The following STK32B variants were observed in gnomAD, a reference collection of about 807,000 sequenced individuals.
STK32B encodes serine/threonine-protein kinase 32B.
Under a neutral mutation model 52.6 loss-of-function variants are expected in STK32B, and 43 were observed. The ratio of observed to expected loss-of-function variants is 0.82; its 90% CI spans 0.64 to 1.05. The LOEUF is 1.05. STK32B is among the 50% of genes least tolerant of loss of function. The probability of loss-of-function intolerance (pLI) is 0.00; values close to 1 mark genes in which losing one functional copy is unlikely to be tolerated. For missense variants in STK32B, 621 were observed against 534.6 expected (o/e 1.16, Z -1.59); for synonymous variants, 238 against 204.3 (o/e 1.17, Z -1.41).
At chr4:5,359,736 G>A (rs28510414) in intron 4 of STK32B, among the ~76,000 whole-genome samples, 13,920 of 152,156 alleles carry the variant, frequency 0.091, 1,010 homozygotes, top group Admixed American at 0.19. Context: ...ATTTCCAGGC[G>A]GAGGTATGGA....
At chr4:5,448,715 T>C (rs2109126464) in intron 7 of STK32B, among the ~76,000 whole-genome samples, 1 of 152,242 alleles carries the variant, frequency 6.6e-6, no homozygotes, top group South Asian at 2.1e-4. Context: ...AAGAAGCAAA[T>C]GATGGGGGAT....
intron 2 of STK32B, among the ~76,000 whole-genome samples, chr4:5,158,216 C>A (rs1023368970): frequency 6.6e-6 from 1 of 152,138 alleles, no homozygotes; most frequent in South Asian, 2.1e-4. Context: ...CATCCAGCAG[C>A]CAAGTGTTCT....
chr4:5,242,220 A>G (rs755085729), intron 3 of STK32B, among the ~76,000 whole-genome samples: 13 of 152,156 alleles, frequency 8.5e-5, no homozygotes, highest in Non-Finnish European at 1.5e-4. Flanking sequence ...CTATTTCTCC[A>G]CATCCTCTTC....
At chr4:5,172,003 C>T (rs918939745) in intron 3 of STK32B, among the ~76,000 whole-genome samples, 6 of 151,882 alleles carry the variant, frequency 4.0e-5, no homozygotes, top group Non-Finnish European at 8.8e-5. Flanking sequence ...GTTTGTAGTT[C>T]TCCTTGAAGA....
chr4:5,471,143 G>A lies in STK32B; in HGVS notation c.1106+3073G>A, dbSNP rs566603652. ...CAGTCCCAGGGGGACAATCAGAATT[G>A]TCTGAGGGCCTGTTAGCATCTAGAG... On this transcript the variant is annotated intron_variant, in intron 11 of 11. Transcript: ENST00000282908. Among the ~76,000 whole-genome samples the A allele has an allele frequency of 4.6e-5, 7 of 152,332 alleles. No homozygotes were observed. The South Asian group carries it at 1.4e-3, about 32-fold the overall frequency.
chr4:5,218,476 G>C (rs1723317797), intron 3 of STK32B, among the ~76,000 whole-genome samples: 2 of 152,168 alleles, frequency 1.3e-5, no homozygotes, highest in Admixed American at 1.3e-4. Flanking sequence ...GGTTCTTGAG[G>C]GTAAGACTGC....
rs188521244 is a variant in STK32B at position 5,168,930 on chromosome 4, C to A, written c.260+480C>A. Among the ~76,000 whole-genome samples, 84 of 152,326 alleles carry A rather than the reference C, an allele frequency of 5.5e-4. 1 individual carries two copies. In the East Asian group the frequency reaches 0.015, roughly 28 times the overall value. ...GCCATCACCCATGTTTCAGAACTTT[C>A]ACTCCAACCCGTCCTTGGCTATTAT... On this transcript the variant is annotated intron_variant, in intron 3 of 11. Transcript: ENST00000282908.
chr4:5,106,589 A>G (rs1577072310), intron 1 of STK32B, among the ~76,000 whole-genome samples: 1 of 152,200 alleles, frequency 6.6e-6, no homozygotes, highest in Admixed American at 6.5e-5. Flanking sequence ...CATTCAGTCC[A>G]TATTCAGATT....
intron 4 of STK32B, among the ~76,000 whole-genome samples, chr4:5,347,892 G>T (rs925416453): frequency 3.3e-5 from 5 of 152,274 alleles, no homozygotes; most frequent in African/African-American, 9.6e-5. Flanking sequence ...GCAGAACTAT[G>T]AGTCAATTAA....
chr4:5,318,851 G>A (rs553046766), intron 3 of STK32B, among the ~76,000 whole-genome samples: 1 of 151,654 alleles, frequency 6.6e-6, no homozygotes, highest in Non-Finnish European at 1.5e-5. Flanking sequence ...CCACACTGGA[G>A]TGCAGTGGCG....
chr4:5,487,296 A>G (rs1719305547), intron 11 of STK32B, among the ~76,000 whole-genome samples: 1 of 152,196 alleles, frequency 6.6e-6, no homozygotes, highest in African/African-American at 2.4e-5. Context: ...TAATTAGTCC[A>G]TGGGCATGAG....
intron 2 of STK32B, among the ~76,000 whole-genome samples, chr4:5,159,215 CTG>C (rs1718115760): frequency 6.6e-6 from 1 of 152,158 alleles, no homozygotes; most frequent in Non-Finnish European, 1.5e-5. Flanking sequence ...TGCAGTCTCT[CTG>C]TGTACGCTGA....
At chr4:5,449,020 A>G (rs1259841660) in intron 7 of STK32B, among the ~76,000 whole-genome samples, 1 of 152,070 alleles carries the variant, frequency 6.6e-6, no homozygotes, top group Admixed American at 6.6e-5. Context: ...GGATCCAGGG[A>G]GCTCCTTTCG....
chr4:5,280,299 A>G lies in STK32B; in HGVS notation c.261-50921A>G, dbSNP rs142595813. On this transcript the variant is annotated intron_variant, in intron 3 of 11. Transcript: ENST00000282908. ...CTAAAGCATAGCAAGAGTGACCTTT[A>G]CTCCAGTTCCCAGTAAGTTCCTCAT... 8.8e-3 allele frequency among the ~76,000 whole-genome samples: 1,333 copies of G among 152,082 alleles called. 7 individuals carry two copies. The highest frequency in any genetic ancestry group is 0.013 in the Non-Finnish European group (902 of 67,988).
At chr4:5,236,830 G>A (rs375556222) in intron 3 of STK32B, among the ~76,000 whole-genome samples, 64 of 152,250 alleles carry the variant, frequency 4.2e-4, no homozygotes, top group African/African-American at 1.3e-3. Flanking sequence ...AAATTACTGC[G>A]GCTAGGGACG....
At chr4:5,040,365 C>T in the STK32B span, among the ~76,000 whole-genome samples, 1 of 149,770 alleles carries the variant, frequency 6.7e-6, no homozygotes, top group African/African-American at 2.5e-5. Context: ...TCTCAGTGCA[C>T]ATGATGAGGC....
rs201796700 is a variant in STK32B, at chr4:5,119,827, A to AT, written c.53-20071dup. Among the ~76,000 whole-genome samples, 213 of 152,210 alleles carry AT rather than the reference A, an allele frequency of 1.4e-3. 8 individuals are homozygous for AT. In the East Asian group the frequency reaches 0.036, roughly 26 times the overall value. On this transcript the variant is annotated intron_variant, in intron 1 of 11. Transcript: ENST00000282908. ...GCTGACTAGAGCTACAAGAGTTGCT[A>AT]TTTTTTTGCATAAACTCCATTTTGT...
rs141066247 is a variant in STK32B, at chr4:5,056,893, G to A, written c.52+4978G>A. On this transcript the variant is annotated intron_variant, in intron 1 of 11. Transcript: ENST00000282908. ...ATCAACGGAAAAAGGGCAAGTGGACGCTGGGTGGGCAGATAGAAACAAAAA... is the reference window on the plus strand; with the variant it reads ...ATCAACGGAAAAAGGGCAAGTGGACACTGGGTGGGCAGATAGAAACAAAAA... Among the ~76,000 whole-genome samples the A allele has an allele frequency of 6.6e-5, 10 of 152,332 alleles. No individual in the cohort carries two copies. The East Asian group carries it at 1.4e-3, about 21-fold the overall frequency.
intron 3 of STK32B, among the ~76,000 whole-genome samples, chr4:5,265,677 T>C (rs1727011980): frequency 6.6e-6 from 1 of 152,236 alleles, no homozygotes; most frequent in Admixed American, 6.5e-5. Context: ...AAATTAAATA[T>C]GCTAATAAAC....
Sources: gnomAD v4.1 joint callset for allele counts (sites outside exome capture counted in the v4.1 genomes callset) on GRCh38, gnomAD v4.1.1 for gene constraint, MANE v1.5 for transcripts, NCBI Gene and HGNC (gene_info 2026-07-23, HGNC 2026-07-21) for gene names.